AP3D1: variants seen among roughly 807,000 people sequenced by gnomAD.
AP3D1 encodes AP-3 complex subunit delta-1.
A neutral mutation model predicts 147.6 loss-of-function variants in AP3D1; 51 were observed. The observed-to-expected ratio is 0.35, with a 90% CI of 0.28 to 0.44. AP3D1 has a LOEUF of 0.44. Among genes scored for constraint, AP3D1 ranks in the 20% least tolerant of loss-of-function variants. The probability of loss-of-function intolerance (pLI) is 1.00; values close to 1 mark genes in which losing one functional copy is unlikely to be tolerated. For missense variants in AP3D1, 1,421 were observed against 1,624.2 expected, an observed-to-expected ratio of 0.87 and a Z score of 2.15; for synonymous variants, 760 against 663.0, an observed-to-expected ratio of 1.15 and a Z score of -2.25.
In AP3D1 at chr19:2,138,722, G is replaced by A. The variant is rs1237666782; in HGVS notation, c.97-8C>T. On this transcript the variant is annotated splice_polypyrimidine_tract_variant and splice_region_variant and intron_variant, in intron 1 of 31. Coordinates refer to ENST00000643116, the MANE Select transcript of AP3D1 (RefSeq NM_001261826.3). ...CTGAGATATGTATTTTGCCTATAAT[G>A]GGGGATAAACACAGAGATTACAAAC... The A allele has an allele frequency of 1.6e-5, 25 of 1,594,252 alleles. No individual in the cohort carries two copies. The highest frequency in any genetic ancestry group is 1.8e-5 in the Non-Finnish European group (21 of 1,164,232).
rs2018907942 is a variant in AP3D1, at chr19:2,130,470, T to G, written c.530A>C (p.Tyr177Ser). 1 of 1,614,012 alleles carries G rather than the reference T, an allele frequency of 6.2e-7. No homozygotes were observed. The highest frequency in any genetic ancestry group is 8.5e-7 in the Non-Finnish European group (1 of 1,180,008). The change falls in exon 6 of 32, where the codon TAC (tyrosine) becomes TCC (serine). Residue 177 changes from tyrosine to serine, a missense_variant. Tyr to Ser is a moderately radical substitution (Grantham distance 144). Around this residue, in one of 6 missense-constraint regions of AP3D1, gnomAD observed 292 missense variants for 412.0 expected, o/e 0.71. Coordinates refer to ENST00000643116, the MANE Select transcript of AP3D1 (RefSeq NM_001261826.3). Reference protein sequence around the residue: ...VLIMYKVFLKYPESLRPAFPR... With the variant: ...VLIMYKVFLKSPESLRPAFPR... ...AAAGGCAGGGCGCAGCGACTCGGGG[T>G]ACTTCAGGAACACCTTGTACATGAT...
chr19:2,130,000 G>C (rs761294775), intron 6 of AP3D1, among the ~76,000 whole-genome samples: 4 of 152,194 alleles, frequency 2.6e-5, no homozygotes, highest in Non-Finnish European at 4.4e-5. Context: ...CAGTGAAACT[G>C]AATCTGCAGC....
intron 3 of AP3D1, 75 bp from the exon 4 acceptor site, chr19:2,137,166 GACC>G: frequency 7.6e-7 from 1 of 1,317,816 alleles, no homozygotes; most frequent in Non-Finnish European, 1.1e-6. Context: ...GCTCTGCAGC[GACC>G]ACACCAGGCA....
chr19:2,127,917 C>A (rs558177376), intron 8 of AP3D1, among the ~76,000 whole-genome samples: 2 of 152,214 alleles, frequency 1.3e-5, no homozygotes, highest in Non-Finnish European at 2.9e-5. Context: ...AGCGTAGGGC[C>A]GCAGCCAGGA....
intron 1 of AP3D1, among the ~76,000 whole-genome samples, chr19:2,142,156 T>TA (rs1332335955): frequency 6.6e-6 from 1 of 151,958 alleles, no homozygotes; most frequent in Non-Finnish European, 1.5e-5. Flanking sequence ...TAGCTGGGGT[T>TA]ACAAGCAGGT....
intron 1 of AP3D1, among the ~76,000 whole-genome samples, chr19:2,139,573 G>T (rs531672360): frequency 3.9e-5 from 6 of 152,202 alleles, no homozygotes; most frequent in African/African-American, 1.4e-4. Context: ...AAGCCGAGTC[G>T]ATGCCATGCT....
intron 1 of AP3D1, among the ~76,000 whole-genome samples, chr19:2,149,278 G>C (rs2144572891): frequency 6.6e-6 from 1 of 152,336 alleles, no homozygotes; most frequent in Non-Finnish European, 1.5e-5. Context: ...GGGTGCAGTG[G>C]CTCACGCCTG....
Position 2,115,317 on chromosome 19 carries a change from T to C in AP3D1, c.2251A>G (p.Lys751Glu), listed in dbSNP as rs1204968829. 1.2e-6 allele frequency: 2 copies of C among 1,611,646 alleles called. No homozygotes were observed. Among genetic ancestry groups the C allele is most frequent in the East Asian group, 2.2e-5 (1 of 44,874 alleles). The change falls in exon 20 of 32, where the codon AAG becomes GAG. Residue 751 changes from lysine to glutamate, a missense_variant. Physicochemically the swap from Lys to Glu is moderately conservative, Grantham distance 56. Around this residue, in one of 6 missense-constraint regions of AP3D1, gnomAD observed 791 missense variants for 761.4 expected, o/e 1.04. Transcript: ENST00000643116. ...KRRKKRKEKE[K>E]KGKRRHSSLP... ...GAGCTGTGGCGGCGCTTGCCCTTCT[T>C]CTCCTTCTCCTTCCTCTTTTTCCTC... is the stretch of plus-strand genomic sequence containing the variant.
At chr19:2,109,732 T>A in intron 29 of AP3D1, 141 bp downstream of exon 29, 1 of 793,242 alleles carries the variant, frequency 1.3e-6, no homozygotes. Context: ...CAGCCTGACC[T>A]GCACCAGTCA....
intron 10 of AP3D1, 117 bp from the exon 11 acceptor site, chr19:2,123,523 C>A: frequency 2.9e-6 from 3 of 1,038,240 alleles, no homozygotes; most frequent in Non-Finnish European, 4.2e-6. Flanking sequence ...CCCCACCCAC[C>A]AATCAAAGCC....
intron 8 of AP3D1, among the ~76,000 whole-genome samples, chr19:2,128,097 G>A (rs1450563543): frequency 1.3e-5 from 2 of 152,186 alleles, no homozygotes; most frequent in Non-Finnish European, 2.9e-5. Context: ...TGACGCCTCT[G>A]CCTGCGGCCC....
rs143035114 is a variant in AP3D1 at position 2,118,355 on chromosome 19, G to A, written c.1713+246C>T. On this transcript the variant is annotated intron_variant, in intron 15 of 31. Coordinates refer to ENST00000643116, the MANE Select transcript of AP3D1 (RefSeq NM_001261826.3). ...TGAAACAACCTCTTCCTGTGGCCAG[G>A]AGCAGCACCCTCACATACCCAGCAC... 5.3e-3 allele frequency among the ~76,000 whole-genome samples: 806 copies of A among 152,272 alleles called. 3 individuals carry two copies. Among genetic ancestry groups the A allele is most frequent in the South Asian group, 6.8e-3 (33 of 4,828 alleles).
intron 4 of AP3D1, among the ~76,000 whole-genome samples, chr19:2,132,879 A>G (rs762265158): frequency 6.6e-6 from 1 of 152,094 alleles, no homozygotes; most frequent in Non-Finnish European, 1.5e-5. Flanking sequence ...GTGGGAATCA[A>G]CCAAGTTTCT....
In AP3D1 at chr19:2,109,379, C is replaced by T. The variant is rs562881116; in HGVS notation, c.3351-172G>A. On this transcript the variant is annotated intron_variant, in intron 29 of 31. Coordinates refer to ENST00000643116, the MANE Select transcript of AP3D1 (RefSeq NM_001261826.3). The stretch of plus-strand genomic sequence containing the variant: ...GTGGCTCATTTTCATGTGCGGAAGC[C>T]GTCACACCCAGAAACTGACAATGAC... 4.6e-4 allele frequency: 385 copies of T among 838,658 alleles called. 1 individual carries two copies. In the Middle Eastern group the frequency reaches 5.3e-3, roughly 11 times the overall value. 52.0% of individuals were successfully genotyped at this position (838,658 alleles called of 1,614,324 possible). A position where few individuals can be genotyped will look rare whatever the true frequency, so the allele number is the denominator to read the frequency against.
rs375296245 is a variant in AP3D1, at chr19:2,123,869, C to A, written c.867G>T (p.Ser289=). Residue 289 remains serine, a synonymous_variant, in exon 10 of 32, where the codon TCG becomes TCT. Coordinates refer to ENST00000643116, the MANE Select transcript of AP3D1 (RefSeq NM_001261826.3). ...TGTGGTTGGGCATGCCGGAGGACAGCGAGATGAGCACTGCAACAGACAGCT... is the reference window on the plus strand; with the variant it reads ...TGTGGTTGGGCATGCCGGAGGACAGAGAGATGAGCACTGCAACAGACAGCT... ...CVNTVIAVLI[S]LSSGMPNHSA... 1.9e-6 allele frequency: 3 copies of A among 1,577,458 alleles called. No individual in the cohort carries two copies. Among genetic ancestry groups the A allele is most frequent in the African/African-American group, 1.4e-5 (1 of 74,000 alleles).
At chr19:2,114,003 G>C in intron 22 of AP3D1, 122 bp downstream of exon 22, 1 of 1,448,382 alleles carries the variant, frequency 6.9e-7, no homozygotes, top group East Asian at 2.5e-5. Context: ...AGGGCGAGGC[G>C]GCTGGCACTC....
In AP3D1 at chr19:2,129,866, G is replaced by A. The variant is rs759656435; in HGVS notation, c.593-409C>T. 1.2e-3 allele frequency among the ~76,000 whole-genome samples: 176 copies of A among 152,258 alleles called. 1 individual carries two copies. The highest frequency in any genetic ancestry group is 1.7e-3 in the Non-Finnish European group (118 of 68,016). ...GGGAGAAGCTCGCCCATCGGGTCCC[G>A]GGCTTAGGGCTGGGGTCTCCCCTCC... On this transcript the variant is annotated intron_variant, in intron 6 of 31. Transcript: ENST00000643116.
rs568796046 is a variant in AP3D1, at chr19:2,120,852, G to A, written c.1481+10C>T. On this transcript the variant is annotated intron_variant, in intron 14 of 31. Transcript: ENST00000643116. ...GAAGCTGCCAGCCCAGAGGCCCAGC[G>A]CCCACTCACTCTGAGAACTCCCCGC... 48 of 1,602,526 alleles carry A rather than the reference G, an allele frequency of 3.0e-5. No individual in the cohort carries two copies. In the South Asian group the frequency reaches 3.5e-4, roughly 12 times the overall value.
At chr19:2,105,853 T>TG (rs35319754) in intron 31 of AP3D1, among the ~76,000 whole-genome samples, 2 of 152,260 alleles carry the variant, frequency 1.3e-5, no homozygotes, top group African/African-American at 4.8e-5. Flanking sequence ...ACCAGCACTT[T>TG]GGGAGTCTGA....
Sources: gnomAD v4.1 joint callset for allele counts (sites outside exome capture counted in the v4.1 genomes callset) on GRCh38, gnomAD v4.1.1 for gene constraint, gnomAD v4.1.1 regional missense constraint, MANE v1.5 for transcripts, NCBI Gene and HGNC (gene_info 2026-07-23, HGNC 2026-07-21) for gene names.